Variants in FCHSD2 observed in about 807,000 individuals in gnomAD.
FCHSD2 encodes F-BAR and double SH3 domains protein 2.
In FCHSD2, 38 loss-of-function variants were observed where a neutral mutation model predicts 108.1. The observed-to-expected ratio is 0.35, with a 90% CI of 0.27 to 0.46. FCHSD2 has a LOEUF of 0.46. Among genes scored for constraint, FCHSD2 ranks in the 20% least tolerant of loss-of-function variants. FCHSD2 has a pLI of 1.00. For synonymous variants in FCHSD2, 279 were observed against 314.7 expected (o/e 0.89, Z 1.20); for missense variants, 751 against 897.8 (o/e 0.84, Z 2.09).
chr11:73,000,441 G>A (rs1857603705), intron 5 of FCHSD2, among the ~76,000 whole-genome samples: 2 of 152,024 alleles, frequency 1.3e-5, no homozygotes, highest in Admixed American at 1.3e-4. Flanking sequence ...ATTTTCCTAT[G>A]AATTTTTTAT....
At chr11:72,903,207 A>ATT (rs1855562632) in intron 9 of FCHSD2, among the ~76,000 whole-genome samples, 1,898 of 10,734 alleles carry the variant, frequency 0.18, 47 homozygotes, top group African/African-American at 0.21. Flanking sequence ...ATTTATTTAT[A>ATT]TATTTATTTA....
chr11:73,118,926 A>G (rs995150670), intron 2 of FCHSD2, among the ~76,000 whole-genome samples: 1 of 152,236 alleles, frequency 6.6e-6, no homozygotes, highest in African/African-American at 2.4e-5. Context: ...CACAACATGT[A>G]TGATATCAAT....
chr11:73,129,122 C>T (rs531524554), intron 2 of FCHSD2, among the ~76,000 whole-genome samples: 11 of 152,102 alleles, frequency 7.2e-5, no homozygotes, highest in South Asian at 2.1e-4. Flanking sequence ...CTGCCCACCT[C>T]GGCCTCCCAA....
chr11:72,901,082 T>C (rs997502185), intron 10 of FCHSD2, among the ~76,000 whole-genome samples: 5 of 152,206 alleles, frequency 3.3e-5, no homozygotes, highest in East Asian at 3.8e-4. Flanking sequence ...GGACGATTAC[T>C]GTATGCTTTT....
chr11:72,966,534 G>T (rs1856910347), intron 8 of FCHSD2, among the ~76,000 whole-genome samples: 2 of 152,094 alleles, frequency 1.3e-5, no homozygotes, highest in Non-Finnish European at 2.9e-5. Context: ...TTACTTGCCT[G>T]CATAGCTTCA....
chr11:72,938,205 C>T (rs954435216), intron 8 of FCHSD2, among the ~76,000 whole-genome samples: 3 of 118,926 alleles, frequency 2.5e-5, no homozygotes, highest in Non-Finnish European at 4.9e-5. Context: ...TTTTTTGAGA[C>T]GGAGTTTTGC....
chr11:73,120,747 A>G (rs556628402), intron 2 of FCHSD2, among the ~76,000 whole-genome samples: 1 of 152,086 alleles, frequency 6.6e-6, no homozygotes, highest in Non-Finnish European at 1.5e-5. Context: ...AATAATAATA[A>G]AACAAAAATT....
rs1565339614 is a variant in FCHSD2, at chr11:72,954,196, A to AAT, written c.705+29891_705+29892insAT. Among the ~76,000 whole-genome samples, 71 of 111,676 alleles carry AAT rather than the reference A, an allele frequency of 6.4e-4. 29 individuals carry two copies. Among genetic ancestry groups the AAT allele is most frequent in the African/African-American group, 5.8e-4 (17 of 29,428 alleles). 73.3% of individuals were successfully genotyped at this position (111,676 alleles called of 152,430 possible). A position where few individuals can be genotyped will look rare whatever the true frequency, so the allele number is the denominator to read the frequency against. ...TAGAATATTAGCAGTAGATGTGGGG[A>AAT]TTTTTTTTTTTTTTTTTTTTTTTTT... is the stretch of plus-strand genomic sequence containing the variant. On this transcript the variant is annotated intron_variant, in intron 8 of 19. Coordinates refer to ENST00000409418, the MANE Select transcript of FCHSD2 (RefSeq NM_014824.3).
At chr11:73,044,842 A>G (rs1858720182) in intron 3 of FCHSD2, among the ~76,000 whole-genome samples, 1 of 152,142 alleles carries the variant, frequency 6.6e-6, no homozygotes, top group Non-Finnish European at 1.5e-5. Flanking sequence ...AGGCCGAGGC[A>G]GGTGGATCAC....
chr11:73,118,390 T>G (rs1337843495), intron 2 of FCHSD2, among the ~76,000 whole-genome samples: 1 of 152,190 alleles, frequency 6.6e-6, no homozygotes, highest in East Asian at 1.9e-4. Flanking sequence ...ATGCCCCATC[T>G]TAGTCAATTC....
At chr11:72,853,615 G>A (rs576971136) in intron 13 of FCHSD2, among the ~76,000 whole-genome samples, 29 of 151,998 alleles carry the variant, frequency 1.9e-4, no homozygotes, top group South Asian at 4.1e-4. Flanking sequence ...GGGTTTTACC[G>A]TGTTGCCCAG....
At position 72,838,300 on chromosome 11, in the gene FCHSD2, G is replaced by A. The variant is rs117512134; in HGVS notation, c.*491C>T. 0.036 allele frequency: 5,607 copies of A among 154,516 alleles called. 173 individuals are homozygous for A. Among genetic ancestry groups the A allele is most frequent in the Non-Finnish European group, 0.046 (3,205 of 69,380 alleles). 9.6% of individuals were successfully genotyped at this position (154,516 alleles called of 1,614,324 possible). On this transcript the variant is annotated 3_prime_UTR_variant, in exon 20 of 20. Transcript: ENST00000409418. ...GGGGACTAACCTTGGGGAGGAGCCAGCCTCTCCTGAAATCCCTCCTTCTGT... is the reference window on the plus strand; with the variant it reads ...GGGGACTAACCTTGGGGAGGAGCCAACCTCTCCTGAAATCCCTCCTTCTGT...
intron 8 of FCHSD2, among the ~76,000 whole-genome samples, chr11:72,942,422 A>ATGG (rs1444465076): frequency 6.6e-6 from 1 of 152,210 alleles, no homozygotes. Flanking sequence ...ACCAATGTAA[A>ATGG]TGGGCTAACA....
In FCHSD2 at chr11:73,091,765, C is replaced by T. The variant is rs74977573; in HGVS notation, c.120-8025G>A. On this transcript the variant is annotated intron_variant, in intron 2 of 19. Transcript: ENST00000409418. Reference sequence around the variant, plus strand: ...TCTTTAAAACCTAGCTGATGCTGGGCGTGGTGGCTCATGCCTGTAATCCCA... The same window carrying T: ...TCTTTAAAACCTAGCTGATGCTGGGTGTGGTGGCTCATGCCTGTAATCCCA... Among the ~76,000 whole-genome samples, 281 of 151,894 alleles carry T rather than the reference C, an allele frequency of 1.8e-3. 4 individuals are homozygous for T. The highest frequency in any genetic ancestry group is 6.4e-3 in the African/African-American group (264 of 41,396).
chr11:72,960,977 T>G (rs1050610514), intron 8 of FCHSD2, among the ~76,000 whole-genome samples: 2 of 152,120 alleles, frequency 1.3e-5, no homozygotes, highest in African/African-American at 4.8e-5. Flanking sequence ...TAAAGCACTT[T>G]TTAGTGGTTG....
intron 4 of FCHSD2, among the ~76,000 whole-genome samples, chr11:73,002,796 C>T (rs1412408718): frequency 6.6e-6 from 1 of 152,102 alleles, no homozygotes; most frequent in African/African-American, 2.4e-5. Context: ...ACCAAGCCAA[C>T]CCCCAAACTC....
intron 8 of FCHSD2, among the ~76,000 whole-genome samples, chr11:72,976,370 T>C (rs1857104289): frequency 6.6e-6 from 1 of 152,122 alleles, no homozygotes. Flanking sequence ...TAGCTCACTG[T>C]AGCCTTCAAT....
Position 73,083,747 on chromosome 11 carries a change from A to G in FCHSD2, c.120-7T>C, listed in dbSNP as rs1173494523. The G allele has an allele frequency of 6.6e-7, 1 of 1,520,834 alleles. No individual in the cohort carries two copies. Among genetic ancestry groups the G allele is most frequent in the South Asian group, 1.2e-5 (1 of 83,502 alleles). The allele number at this position is 1,520,834 out of a possible 1,614,324, so 94.2% of individuals were successfully genotyped here. ...CTTCTTCTGACTGAATGTCCTAAAAATACAAAGAAAAATTAATTACCAGAA... is the reference window on the plus strand; with the variant it reads ...CTTCTTCTGACTGAATGTCCTAAAAGTACAAAGAAAAATTAATTACCAGAA... On this transcript the variant is annotated splice_polypyrimidine_tract_variant and splice_region_variant and intron_variant, in intron 2 of 19. Transcript: ENST00000409418.
At chr11:73,069,769 A>G (rs540505708) in intron 3 of FCHSD2, among the ~76,000 whole-genome samples, 1 of 152,326 alleles carries the variant, frequency 6.6e-6, no homozygotes, top group East Asian at 1.9e-4. Flanking sequence ...TCCAGAATTG[A>G]AGAAAAGCAA....
Sources: gnomAD v4.1 joint callset for allele counts (sites outside exome capture counted in the v4.1 genomes callset) on GRCh38, gnomAD v4.1.1 for gene constraint, MANE v1.5 for transcripts, NCBI Gene and HGNC (gene_info 2026-07-23, HGNC 2026-07-21) for gene names.